The following ZNF69 variants were observed in gnomAD, a reference collection of about 807,000 sequenced individuals.
The protein encoded by ZNF69 is ZNF3.
A neutral mutation model predicts 50.9 loss-of-function variants in ZNF69; 47 were observed. That is an observed-to-expected ratio of 0.92 (90% CI 0.73 to 1.18). ZNF69 has a LOEUF of 1.18. Ranked by LOEUF, ZNF69 falls within the 50% of genes most tolerant of loss-of-function variation. ZNF69 has a pLI of 0.00. For missense variants in ZNF69, 717 were observed against 675.1 expected, an observed-to-expected ratio of 1.06 and a Z score of -0.69; for synonymous variants, 216 against 223.1, an observed-to-expected ratio of 0.97 and a Z score of 0.29.
the ZNF69 span, among the ~76,000 whole-genome samples, chr19:11,974,110 TTTCTTTCTTTC>T: frequency 9.9e-6 from 1 of 100,962 alleles, no homozygotes; most frequent in Non-Finnish European, 2.0e-5. Flanking sequence ...TCTTTCTTTC[TTTCTTTCTTTC>T]TTTCTTTTCT....
At chr19:11,972,022 A>C in the ZNF69 span, among the ~76,000 whole-genome samples, 28 of 152,036 alleles carry the variant, frequency 1.8e-4, no homozygotes, top group Non-Finnish European at 2.5e-4. Context: ...AGATGGTGTC[A>C]TTGCACTCCA....
intron 1 of ZNF69, among the ~76,000 whole-genome samples, chr19:11,902,917 G>A (rs279204): frequency 0.27 from 40,509 of 151,946 alleles, 5,850 homozygotes; most frequent in African/African-American, 0.33. Flanking sequence ...CCCTGGGTTC[G>A]GTAAATACAT....
At chr19:11,938,149 A>G in the ZNF69 span, among the ~76,000 whole-genome samples, 38 of 151,032 alleles carry the variant, frequency 2.5e-4, no homozygotes, top group African/African-American at 8.7e-4. Context: ...GCTCACTGCA[A>G]CCTCCATCTC....
At chr19:11,947,570 T>G in the ZNF69 span, 1 of 1,613,298 alleles carries the variant, frequency 6.2e-7, no homozygotes, top group Non-Finnish European at 8.5e-7. Flanking sequence ...CAGAAGAAGC[T>G]TCAGGTAATT....
the ZNF69 span, among the ~76,000 whole-genome samples, chr19:11,962,570 A>G: frequency 6.6e-6 from 1 of 151,582 alleles, no homozygotes; most frequent in African/African-American, 2.4e-5. Context: ...TATATTGCCC[A>G]GGCTGTTCTT....
rs530231452 is a variant in ZNF69 at position 11,898,593 on chromosome 19, A to G, written c.64-4980A>G. Among the ~76,000 whole-genome samples, 6 of 151,980 alleles carry G rather than the reference A, an allele frequency of 3.9e-5. No individual in the cohort carries two copies. The East Asian group carries it at 9.7e-4, about 25-fold the overall frequency. On this transcript the variant is annotated intron_variant, in intron 1 of 3. Transcript: ENST00000429654. ...TTTAGTAGAGAGAGGGTTTCACCAT[A>G]TTGACCAGGCTGGTCTCGAACTCCT...
At chr19:11,962,600 A>AC in the ZNF69 span, among the ~76,000 whole-genome samples, 2,400 of 145,776 alleles carry the variant, frequency 0.016, 27 homozygotes, top group African/African-American at 0.029. Flanking sequence ...GGCTCAAGTG[A>AC]CCCCCCCCCA....
At chr19:11,888,346 C>T (rs1479934449) in intron 1 of ZNF69, among the ~76,000 whole-genome samples, 1 of 152,174 alleles carries the variant, frequency 6.6e-6, no homozygotes, top group African/African-American at 2.4e-5. Context: ...TCTGTGGGGC[C>T]CCCAGTGTCC....
chr19:11,970,155 A>G, the ZNF69 span, among the ~76,000 whole-genome samples: 1 of 152,204 alleles, frequency 6.6e-6, no homozygotes, highest in African/African-American at 2.4e-5. Context: ...TTGGAGACAC[A>G]TGGCTGTTCT....
At chr19:11,909,610 A>C (rs751866633), downstream of ZNF69, among the ~76,000 whole-genome samples, 2 of 152,212 alleles carry the variant, frequency 1.3e-5, no homozygotes, top group Non-Finnish European at 2.9e-5. Context: ...CTTCGACAAA[A>C]TTCCACAGCC....
the ZNF69 span, chr19:11,947,193 T>C: frequency 6.2e-7 from 1 of 1,613,784 alleles, no homozygotes; most frequent in Non-Finnish European, 8.5e-7. Flanking sequence ...CCCAGTGGCC[T>C]TTGAGGATGT....
At chr19:11,979,680 A>C in the ZNF69 span, 2 of 1,602,884 alleles carry the variant, frequency 1.2e-6, no homozygotes, top group South Asian at 2.2e-5. Context: ...CTTCAAATGC[A>C]TGCTGGGACT....
chr19:11,968,832 A>G, the ZNF69 span, among the ~76,000 whole-genome samples: 1 of 152,238 alleles, frequency 6.6e-6, no homozygotes, highest in African/African-American at 2.4e-5. Flanking sequence ...CCAGCCTGGC[A>G]ACATAGTGAG....
chr19:11,902,144 G>C lies in ZNF69; in HGVS notation c.64-1429G>C, dbSNP rs74751561. On this transcript the variant is annotated intron_variant, in intron 1 of 3. Transcript: ENST00000429654. ...TTTACAGGCATGTGCCGCCATGCCC[G>C]GGTAATTTTGTATTTTTAGTAGAGA... Among the ~76,000 whole-genome samples, 104 of 151,948 alleles carry C rather than the reference G, an allele frequency of 6.8e-4. 2 individuals carry two copies. In the East Asian group the frequency reaches 0.016, roughly 24 times the overall value.
At chr19:11,977,330 T>G in the ZNF69 span, 1 of 1,610,134 alleles carries the variant, frequency 6.2e-7, no homozygotes, top group Non-Finnish European at 8.5e-7. Context: ...TTTCACAGTT[T>G]TATATTGCTT....
chr19:11,939,582 T>A, the ZNF69 span, among the ~76,000 whole-genome samples: 3 of 152,214 alleles, frequency 2.0e-5, no homozygotes, highest in Non-Finnish European at 4.4e-5. Flanking sequence ...TCCATTGGTC[T>A]ATATCTCTGT....
chr19:11,906,301 C>T lies in ZNF69; in HGVS notation c.*203C>T, dbSNP rs573926630. 9 of 1,393,254 alleles carry T rather than the reference C, an allele frequency of 6.5e-6. No individual in the cohort carries two copies. The South Asian group carries it at 1.2e-4, about 18-fold the overall frequency. 86.3% of individuals were successfully genotyped at this position (1,393,254 alleles called of 1,614,324 possible). ...GAAACTTCTGCAGACTTAAATGTCC[C>T]TGTCTGACAGCTTTGAAGAGAGTAG... On this transcript the variant is annotated 3_prime_UTR_variant, in exon 4 of 4. Coordinates refer to ENST00000429654, the MANE Select transcript of ZNF69 (RefSeq NM_001364730.1).
At chr19:11,979,883 G>A in the ZNF69 span, 61 of 1,438,278 alleles carry the variant, frequency 4.2e-5, no homozygotes, top group African/African-American at 5.2e-4. Flanking sequence ...AATGCACTCT[G>A]TAGAAAGACC....
At chr19:11,949,828 A>G in the ZNF69 span, 2 of 1,612,888 alleles carry the variant, frequency 1.2e-6, no homozygotes, top group East Asian at 2.2e-5. Context: ...GAAAGCCTTC[A>G]GTTGTGCCTC....
Sources: allele counts gnomAD v4.1 joint callset (sites outside exome capture counted in the v4.1 genomes callset), GRCh38; gene constraint gnomAD v4.1.1; transcripts MANE v1.5; gene names NCBI Gene and HGNC (gene_info 2026-07-23, HGNC 2026-07-21).